Variants in MAST2 observed in about 807,000 individuals in gnomAD.
MAST2 encodes the protein microtubule associated serine/threonine kinase 2.
A neutral mutation model predicts 147.4 loss-of-function variants in MAST2; 70 were observed. The ratio of observed to expected loss-of-function variants is 0.47; its 90% CI spans 0.39 to 0.58. The LOEUF is 0.58. MAST2 is among the 20% of genes least tolerant of loss of function. The pLI is 0.00. For synonymous variants in MAST2, 869 were observed against 896.8 expected (o/e 0.97, Z 0.55); for missense variants, 2,080 against 2,302.3 (o/e 0.90, Z 1.98).
intron 10 of MAST2, among the ~76,000 whole-genome samples, chr1:46,012,311 T>C (rs1645747226): frequency 6.6e-6 from 1 of 152,234 alleles, no homozygotes; most frequent in Admixed American, 6.5e-5. Flanking sequence ...CCAAAACCTT[T>C]AGGCATTTTC....
Position 45,907,488 on chromosome 1 carries a change from C to G in MAST2, c.500+25093C>G, listed in dbSNP as rs1379452190. ...CTTTTTTTTTTTTTTTTGAGAGAGT[C>G]TCGCTCTTATCACCCAGGCTGTGCA... On this transcript the variant is annotated intron_variant, in intron 4 of 28. Coordinates refer to ENST00000361297, the MANE Select transcript of MAST2 (RefSeq NM_015112.3). 2.1e-5 allele frequency among the ~76,000 whole-genome samples: 3 copies of G among 140,128 alleles called. No homozygotes were observed. The Admixed American group carries it at 2.3e-4, about 11-fold the overall frequency. 91.9% of individuals were successfully genotyped at this position (140,128 alleles called of 152,430 possible). A position where few individuals can be genotyped will look rare whatever the true frequency, so the allele number is the denominator to read the frequency against.
intron 5 of MAST2, among the ~76,000 whole-genome samples, chr1:45,990,035 T>C (rs1387663804): frequency 2.6e-5 from 4 of 152,242 alleles, no homozygotes; most frequent in African/African-American, 9.6e-5. Context: ...AAACTTGCTA[T>C]ACACATTCAT....
chr1:45,916,799 T>C (rs1652598826), intron 4 of MAST2, among the ~76,000 whole-genome samples: 1 of 152,180 alleles, frequency 6.6e-6, no homozygotes, highest in South Asian at 2.1e-4. Flanking sequence ...TACTTCAGGC[T>C]GGGCACGGTG....
rs1644539723 is a variant in MAST2 at position 45,819,056 on chromosome 1, C to T, written c.178-5377C>T. ...ATCACCAGAGTTCAGGAGTTCGAGA[C>T]CAGCCTGACCAACATGGTGAAACCT... On this transcript the variant is annotated intron_variant, in intron 1 of 28. Coordinates refer to ENST00000361297, the MANE Select transcript of MAST2 (RefSeq NM_015112.3). Among the ~76,000 whole-genome samples, 3 of 151,960 alleles carry T rather than the reference C, an allele frequency of 2.0e-5. No individual in the cohort carries two copies. The South Asian group carries it at 6.2e-4, about 32-fold the overall frequency.
chr1:45,903,668 G>A (rs751787781), intron 4 of MAST2, among the ~76,000 whole-genome samples: 1 of 152,120 alleles, frequency 6.6e-6, no homozygotes, highest in African/African-American at 2.4e-5. Flanking sequence ...TGGTTGATAT[G>A]ATTTTTATTT....
chr1:45,813,646 C>T (rs886152377), intron 1 of MAST2, among the ~76,000 whole-genome samples: 9 of 151,904 alleles, frequency 5.9e-5, no homozygotes, highest in Non-Finnish European at 7.4e-5. Flanking sequence ...TTACAGGCTT[C>T]TGCCACCACA....
intron 3 of MAST2, among the ~76,000 whole-genome samples, chr1:45,841,504 C>T (rs1645275278): frequency 6.6e-6 from 1 of 151,206 alleles, no homozygotes; most frequent in African/African-American, 2.4e-5. Flanking sequence ...ACATGTATTC[C>T]TTATATATGT....
chr1:45,980,932 A>G (rs1446795528), intron 5 of MAST2, among the ~76,000 whole-genome samples: 1 of 152,230 alleles, frequency 6.6e-6, no homozygotes, highest in Non-Finnish European at 1.5e-5. Context: ...CTGTCCAGAT[A>G]GAGCCAATTT....
intron 3 of MAST2, chr1:45,865,258 A>T (rs530681570): frequency 8.6e-6 from 3 of 349,368 alleles, no homozygotes; most frequent in African/African-American, 6.4e-5. Flanking sequence ...AGTGGAGTGC[A>T]GCTAAGTTCC....
At chr1:45,856,327 C>T (rs944172709) in intron 3 of MAST2, among the ~76,000 whole-genome samples, 4 of 152,076 alleles carry the variant, frequency 2.6e-5, no homozygotes, top group Admixed American at 1.3e-4. Flanking sequence ...GTTTGTTGAG[C>T]AAATATTTAA....
chr1:45,936,580 T>G (rs1656226618), intron 4 of MAST2, among the ~76,000 whole-genome samples: 1 of 152,194 alleles, frequency 6.6e-6, no homozygotes, highest in African/African-American at 2.4e-5. Flanking sequence ...CATTTTTTCC[T>G]CTGTGTAACT....
intron 1 of MAST2, among the ~76,000 whole-genome samples, chr1:45,821,277 C>T (rs1644618777): frequency 1.3e-5 from 2 of 152,108 alleles, no homozygotes; most frequent in Admixed American, 1.3e-4. Flanking sequence ...CTTCTGGACT[C>T]CACAGTTCTG....
intron 1 of MAST2, among the ~76,000 whole-genome samples, chr1:45,814,230 A>G (rs1473304814): frequency 6.6e-6 from 1 of 152,184 alleles, no homozygotes; most frequent in East Asian, 1.9e-4. Context: ...AAAAAAAGTT[A>G]ACTGTAAAAC....
intron 5 of MAST2, among the ~76,000 whole-genome samples, chr1:45,987,235 A>G (rs1376952965): frequency 6.6e-6 from 1 of 151,872 alleles, no homozygotes; most frequent in African/African-American, 2.4e-5. Context: ...GATGTTGGTA[A>G]TTTCTATTTT....
intron 4 of MAST2, among the ~76,000 whole-genome samples, chr1:45,884,421 G>A (rs903898350): frequency 5.3e-5 from 8 of 152,106 alleles, no homozygotes; most frequent in African/African-American, 1.4e-4. Context: ...GCGTCATGGC[G>A]TGCGCCTGTA....
intron 3 of MAST2, among the ~76,000 whole-genome samples, chr1:45,874,406 A>G (rs1646515880): frequency 6.6e-6 from 1 of 152,138 alleles, no homozygotes; most frequent in African/African-American, 2.4e-5. Flanking sequence ...CCTCGGTAAT[A>G]TTTTTCTCTT....
In MAST2 at chr1:46,034,359, T is replaced by G. The variant is rs1056226708; in HGVS notation, c.3868+93T>G. On this transcript the variant is annotated intron_variant, in intron 28 of 28. Transcript: ENST00000361297. ...CTTCTGACAGATCCCACTCTGAGTCTCTCATTTAGCCCACCCCCTGAAAGA... is the reference window on the plus strand; with the variant it reads ...CTTCTGACAGATCCCACTCTGAGTCGCTCATTTAGCCCACCCCCTGAAAGA... 9 of 1,420,572 alleles carry G rather than the reference T, an allele frequency of 6.3e-6. 1 individual carries two copies. In the Admixed American group the frequency reaches 2.3e-4, roughly 36 times the overall value. The allele number at this position is 1,420,572 out of a possible 1,614,324, so 88.0% of individuals were successfully genotyped here.
intron 1 of MAST2, among the ~76,000 whole-genome samples, chr1:45,805,506 ACTTAT>A (rs1644115862): frequency 6.6e-6 from 1 of 152,018 alleles, no homozygotes; most frequent in Non-Finnish European, 1.5e-5. Context: ...TGTGCCTAAT[ACTTAT>A]CTTTTACATT....
At chr1:45,883,446 C>T (rs1306194372) in intron 4 of MAST2, among the ~76,000 whole-genome samples, 10 of 152,128 alleles carry the variant, frequency 6.6e-5, no homozygotes, top group Admixed American at 5.9e-4. Flanking sequence ...AGGCTTGAGT[C>T]AGAAAACTCA....
Sources: allele counts gnomAD v4.1 joint callset (sites outside exome capture counted in the v4.1 genomes callset), GRCh38; gene constraint gnomAD v4.1.1; transcripts MANE v1.5; gene names NCBI Gene and HGNC (gene_info 2026-07-23, HGNC 2026-07-21).